The following ALG6 variants were observed in gnomAD, a reference collection of about 807,000 sequenced individuals.
The protein encoded by ALG6 is dolichyl pyrophosphate Man9GlcNAc2 alpha-1,3-glucosyltransferase.
A neutral mutation model predicts 66.6 loss-of-function variants in ALG6; 46 were observed. The ratio of observed to expected loss-of-function variants is 0.69; its 90% CI spans 0.55 to 0.88. The LOEUF (loss-of-function observed/expected upper bound fraction) is 0.88. Ranked by LOEUF, ALG6 falls within the 40% of genes least tolerant of loss-of-function variation. ALG6 has a pLI of 0.00. For missense variants in ALG6, 505 were observed against 586.8 expected, an observed-to-expected ratio of 0.86 and a Z score of 1.44; for synonymous variants, 185 against 203.7, an observed-to-expected ratio of 0.91 and a Z score of 0.78.
chr1:63,416,268 A>G (rs976574168), intron 11 of ALG6, among the ~76,000 whole-genome samples: 4 of 152,172 alleles, frequency 2.6e-5, no homozygotes, highest in African/African-American at 4.8e-5. Context: ...ATTAAGTTCT[A>G]TCAGGTACAA....
chr1:63,407,169 G>A, intron 7 of ALG6, 43 bp downstream of exon 7: 1 of 1,416,736 alleles, frequency 7.1e-7, no homozygotes, highest in South Asian at 1.1e-5. Flanking sequence ...TGCATATTGT[G>A]AAATCTAGAC....
chr1:63,426,529 A>G (rs902442597), intron 12 of ALG6, among the ~76,000 whole-genome samples: 1 of 152,234 alleles, frequency 6.6e-6, no homozygotes, highest in Non-Finnish European at 1.5e-5. Flanking sequence ...TATTCCTTTC[A>G]GAGCAGTGCT....
intron 2 of ALG6, among the ~76,000 whole-genome samples, chr1:63,384,034 A>G (rs1648423225): frequency 6.6e-6 from 1 of 152,184 alleles, no homozygotes; most frequent in African/African-American, 2.4e-5. Context: ...CATTGCATAT[A>G]CATTTTATTT....
chr1:63,406,539 C>A, intron 6 of ALG6, 140 bp downstream of exon 6: 1 of 746,546 alleles, frequency 1.3e-6, no homozygotes, highest in Non-Finnish European at 2.3e-6. Context: ...ATTTTCACTT[C>A]AAAAGCATCA....
At chr1:63,382,438 A>G (rs955893921) in intron 2 of ALG6, among the ~76,000 whole-genome samples, 1 of 151,484 alleles carries the variant, frequency 6.6e-6, no homozygotes, top group Non-Finnish European at 1.5e-5. Context: ...CCTGACTTCA[A>G]GTGATCTGCC....
Position 63,387,534 on chromosome 1 carries a change from T to C in ALG6, c.83-8979T>C, listed in dbSNP as rs202103821. The stretch of plus-strand genomic sequence containing the variant: ...ATAATGACCTTCTTTGTCTTTCTCT[T>C]TTTTTTTTTTTTTTTTTTTTTTTTT... On this transcript the variant is annotated intron_variant, in intron 2 of 14. Coordinates refer to ENST00000263440, the MANE Select transcript of ALG6 (RefSeq NM_013339.4). Among the ~76,000 whole-genome samples, 7 of 91,970 alleles carry C rather than the reference T, an allele frequency of 7.6e-5. No homozygotes were observed. The South Asian group carries it at 1.6e-3, about 21-fold the overall frequency. The allele number at this position is 91,970 out of a possible 152,430, so 60.3% of individuals were successfully genotyped here.
At chr1:63,380,395 GC>G (rs764420785) in intron 2 of ALG6, among the ~76,000 whole-genome samples, 12 of 152,164 alleles carry the variant, frequency 7.9e-5, no homozygotes, top group Non-Finnish European at 1.6e-4. Flanking sequence ...GGGAAGAAGG[GC>G]TGAGGAAAGG....
intron 2 of ALG6, among the ~76,000 whole-genome samples, chr1:63,395,488 G>A (rs1317513506): frequency 1.3e-5 from 2 of 152,170 alleles, no homozygotes; most frequent in Admixed American, 1.3e-4. Flanking sequence ...TTGATGCCAG[G>A]AGTGTGAGAC....
chr1:63,371,395 T>G, intron 2 of ALG6: 1 of 296,572 alleles, frequency 3.4e-6, no homozygotes, highest in East Asian at 8.9e-5. Flanking sequence ...AGCATATTAC[T>G]GGATTAAAGG....
chr1:63,379,395 C>T (rs942375175), intron 2 of ALG6, among the ~76,000 whole-genome samples: 4 of 152,122 alleles, frequency 2.6e-5, no homozygotes, highest in African/African-American at 7.2e-5. Context: ...GACTCTTTTT[C>T]GTTTTTCCTG....
intron 2 of ALG6, among the ~76,000 whole-genome samples, chr1:63,387,096 C>T (rs1648525499): frequency 6.6e-6 from 1 of 152,104 alleles, no homozygotes; most frequent in Non-Finnish European, 1.5e-5. Flanking sequence ...GCACTGTTTC[C>T]AAAATTCCTC....
chr1:63,403,389 T>C (rs1427770378), intron 4 of ALG6, among the ~76,000 whole-genome samples: 2 of 152,146 alleles, frequency 1.3e-5, no homozygotes, highest in South Asian at 2.1e-4. Flanking sequence ...AAGATCAAAA[T>C]GGGAATTCCT....
intron 11 of ALG6, among the ~76,000 whole-genome samples, chr1:63,419,067 G>T (rs1644560347): frequency 6.6e-6 from 1 of 152,088 alleles, no homozygotes; most frequent in Admixed American, 6.6e-5. Context: ...TGAGATTCCA[G>T]GGGAGGATGA....
intron 2 of ALG6, among the ~76,000 whole-genome samples, chr1:63,381,261 T>C (rs1046153701): frequency 6.6e-6 from 1 of 152,186 alleles, no homozygotes; most frequent in African/African-American, 2.4e-5. Flanking sequence ...AAGACCATCC[T>C]GGCTAACACG....
intron 12 of ALG6, among the ~76,000 whole-genome samples, chr1:63,422,388 TATAA>T (rs1406292438): frequency 3.9e-5 from 4 of 101,840 alleles, no homozygotes; most frequent in East Asian, 2.6e-4. Context: ...TATAAATATA[TATAA>T]ATATATATCT....
intron 2 of ALG6, among the ~76,000 whole-genome samples, chr1:63,373,691 C>T (rs1196949622): frequency 3.4e-4 from 48 of 141,560 alleles, no homozygotes; most frequent in Non-Finnish European, 5.6e-4. Flanking sequence ...GACAGGGTCT[C>T]CCCCTGTTGC....
At chr1:63,402,912 T>A (rs1249553573) in intron 4 of ALG6, among the ~76,000 whole-genome samples, 3 of 150,928 alleles carry the variant, frequency 2.0e-5, no homozygotes, top group African/African-American at 7.3e-5. Flanking sequence ...CTGGCTAACA[T>A]GGTGAAACCC....
At chr1:63,382,665 GTTTTTT>G (rs59236936) in intron 2 of ALG6, among the ~76,000 whole-genome samples, 1 of 93,600 alleles carries the variant, frequency 1.1e-5, no homozygotes, top group South Asian at 3.1e-4. Flanking sequence ...GTTTTTTTTT[GTTTTTT>G]TTTTTTTGTT....
intron 8 of ALG6, 92 bp from the exon 9 acceptor site, chr1:63,411,834 T>A: frequency 6.5e-7 from 1 of 1,526,836 alleles, no homozygotes; most frequent in Non-Finnish European, 9.1e-7. Context: ...TTACTATACA[T>A]GTGCATGTAT....
Sources: allele counts gnomAD v4.1 joint callset (sites outside exome capture counted in the v4.1 genomes callset), GRCh38; gene constraint gnomAD v4.1.1; transcripts MANE v1.5; gene names NCBI Gene and HGNC (gene_info 2026-07-23, HGNC 2026-07-21).